GABBR2: variants seen among roughly 807,000 people sequenced by gnomAD.
The protein encoded by GABBR2 is gamma-aminobutyric acid type B receptor subunit 2.
GABBR2 carries 23 observed loss-of-function variants against 105.6 expected under a neutral mutation model. The observed-to-expected ratio is 0.22, with a 90% CI of 0.16 to 0.31. The LOEUF (loss-of-function observed/expected upper bound fraction) is 0.31. Ranked by LOEUF, GABBR2 falls within the 10% of genes least tolerant of loss-of-function variation. The pLI is 1.00. For missense variants in GABBR2, 734 were observed against 1,245.5 expected, an observed-to-expected ratio of 0.59 and a Z score of 6.18; for synonymous variants, 478 against 499.7, an observed-to-expected ratio of 0.96 and a Z score of 0.58.
In GABBR2 at chr9:98,396,362, T is replaced by C. The variant is rs2131511153; in HGVS notation, c.1298-2107A>G. On this transcript the variant is annotated intron_variant, in intron 8 of 18. Transcript: ENST00000259455. ...TCCTGGGGCTCTAGCTCTAAGGGAA[T>C]TTCTTTGCAGAAATGCAGGTGCACT... Among the ~76,000 whole-genome samples the C allele has an allele frequency of 2.6e-5, 4 of 152,354 alleles. No homozygotes were observed. In the Middle Eastern group the frequency reaches 0.014, roughly 518 times the overall value.
intron 2 of GABBR2, among the ~76,000 whole-genome samples, chr9:98,571,706 C>T (rs1828833609): frequency 6.6e-6 from 1 of 152,172 alleles, no homozygotes. Context: ...TATTAAATTT[C>T]CCCAACAGCA....
chr9:98,386,466 C>T (rs1564043923), intron 10 of GABBR2, among the ~76,000 whole-genome samples: 1 of 152,178 alleles, frequency 6.6e-6, no homozygotes, highest in Non-Finnish European at 1.5e-5. Context: ...CAGAGGGAGA[C>T]ACCAGAGTCC....
chr9:98,625,351 A>G (rs1829722171), intron 1 of GABBR2, among the ~76,000 whole-genome samples: 1 of 152,102 alleles, frequency 6.6e-6, no homozygotes, highest in Admixed American at 6.5e-5. Context: ...CATCCACACC[A>G]TTGCCCTTCT....
intron 13 of GABBR2, among the ~76,000 whole-genome samples, chr9:98,348,562 C>T (rs1001448251): frequency 2.0e-5 from 3 of 152,136 alleles, no homozygotes; most frequent in South Asian, 4.1e-4. Flanking sequence ...TTCTAATCCC[C>T]GAACATGAGA....
At chr9:98,608,083 G>T in intron 1 of GABBR2, 1 of 1,309,764 alleles carries the variant, frequency 7.6e-7, no homozygotes, top group Non-Finnish European at 1.1e-6. Context: ...TTAGAACAAC[G>T]AACTCTTCGA....
At chr9:98,477,818 A>T (rs2131638251) in intron 5 of GABBR2, among the ~76,000 whole-genome samples, 1 of 152,358 alleles carries the variant, frequency 6.6e-6, no homozygotes, top group Non-Finnish European at 1.5e-5. Flanking sequence ...CGCATCAGTA[A>T]GGCAGTTAAC....
chr9:98,517,832 AGTGG>A, intron 3 of GABBR2, among the ~76,000 whole-genome samples: 1 of 152,170 alleles, frequency 6.6e-6, no homozygotes, highest in Admixed American at 6.5e-5. Flanking sequence ...ATGAGAACCC[AGTGG>A]GAGTCAGAGG....
intron 9 of GABBR2, among the ~76,000 whole-genome samples, chr9:98,393,136 A>G (rs1484129563): frequency 7.2e-6 from 1 of 139,692 alleles, no homozygotes; most frequent in Non-Finnish European, 1.5e-5. Context: ...CCAACCATCC[A>G]TCCATCCACT....
intron 1 of GABBR2, among the ~76,000 whole-genome samples, chr9:98,704,453 A>G (rs1830868982): frequency 6.6e-6 from 1 of 152,174 alleles, no homozygotes; most frequent in Non-Finnish European, 1.5e-5. Context: ...ACAATAGGGG[A>G]ATGATTAAAT....
chr9:98,590,521 C>T (rs1323687257), intron 1 of GABBR2, among the ~76,000 whole-genome samples: 2 of 152,254 alleles, frequency 1.3e-5, no homozygotes, highest in East Asian at 3.8e-4. Flanking sequence ...AGCCTCCCCA[C>T]ATATGCAGGT....
intron 1 of GABBR2, among the ~76,000 whole-genome samples, chr9:98,679,659 T>C (rs1056061021): frequency 6.6e-6 from 1 of 152,220 alleles, no homozygotes. Context: ...CCTCACACCC[T>C]TCTCCCCTGG....
chr9:98,318,028 C>G (rs183966111), intron 13 of GABBR2, among the ~76,000 whole-genome samples: 4 of 152,082 alleles, frequency 2.6e-5, no homozygotes, highest in Non-Finnish European at 5.9e-5. Flanking sequence ...GGGAAGAGCA[C>G]GCATGGCAGA....
At chr9:98,365,742 T>C (rs1277809635) in intron 12 of GABBR2, among the ~76,000 whole-genome samples, 1 of 151,956 alleles carries the variant, frequency 6.6e-6, no homozygotes, top group Non-Finnish European at 1.5e-5. Context: ...ATTATACAAG[T>C]ACACCCGTGG....
intron 5 of GABBR2, among the ~76,000 whole-genome samples, chr9:98,474,428 T>C (rs1257554777): frequency 2.6e-5 from 4 of 152,282 alleles, no homozygotes; most frequent in Non-Finnish European, 5.9e-5. Flanking sequence ...TCCATCAAAA[T>C]TGGGTTCAGA....
intron 7 of GABBR2, among the ~76,000 whole-genome samples, chr9:98,413,813 G>A (rs1296014648): frequency 1.3e-5 from 2 of 152,178 alleles, no homozygotes; most frequent in Admixed American, 6.5e-5. Flanking sequence ...AAGATGGCTG[G>A]GTGGATGGCC....
chr9:98,479,561 C>T (rs1025622282), intron 5 of GABBR2, among the ~76,000 whole-genome samples: 3 of 152,232 alleles, frequency 2.0e-5, no homozygotes, highest in Admixed American at 1.3e-4. Context: ...GGACAGTTCT[C>T]GTTTTGCTCC....
intron 6 of GABBR2, among the ~76,000 whole-genome samples, chr9:98,459,009 C>A (rs1406153197): frequency 2.0e-5 from 3 of 152,178 alleles, no homozygotes; most frequent in East Asian, 3.9e-4. Context: ...GTTGAGGAGA[C>A]TGTTCTTCCA....
At chr9:98,506,562 A>G (rs1426276405) in intron 3 of GABBR2, among the ~76,000 whole-genome samples, 3 of 152,226 alleles carry the variant, frequency 2.0e-5, no homozygotes, top group Non-Finnish European at 2.9e-5. Flanking sequence ...CACAGGGGTG[A>G]GTCCCAGGGG....
intron 2 of GABBR2, among the ~76,000 whole-genome samples, chr9:98,565,079 C>T (rs950236480): frequency 3.9e-5 from 6 of 152,268 alleles, no homozygotes; most frequent in South Asian, 2.1e-4. Context: ...AAGGACCAGA[C>T]GGGGAAGGCC....
Sources: gnomAD v4.1 joint callset for allele counts (sites outside exome capture counted in the v4.1 genomes callset) on GRCh38, gnomAD v4.1.1 for gene constraint, MANE v1.5 for transcripts, NCBI Gene and HGNC (gene_info 2026-07-23, HGNC 2026-07-21) for gene names.